Variants in FBXO22 observed in about 807,000 individuals in gnomAD.
FBXO22 encodes the protein F-box only protein 22.
A neutral mutation model predicts 37.2 loss-of-function variants in FBXO22; 13 were observed. That is an observed-to-expected ratio of 0.35 (90% CI 0.23 to 0.56). FBXO22 has a LOEUF of 0.56. Ranked by LOEUF, FBXO22 falls within the 20% of genes least tolerant of loss-of-function variation. The probability of loss-of-function intolerance (pLI) is 0.87; values close to 1 mark genes in which losing one functional copy is unlikely to be tolerated. For synonymous variants in FBXO22, 189 were observed against 189.1 expected, an observed-to-expected ratio of 1.00 and a Z score of 0.00; for missense variants, 446 against 509.9, an observed-to-expected ratio of 0.87 and a Z score of 1.21.
intron 5 of FBXO22, among the ~76,000 whole-genome samples, chr15:75,925,875 A>G (rs1399448354): frequency 2.0e-5 from 3 of 152,104 alleles, no homozygotes; most frequent in Non-Finnish European, 4.4e-5. Context: ...GGATGGGGCA[A>G]TTCTTTGCTA....
intron 5 of FBXO22, among the ~76,000 whole-genome samples, chr15:75,918,294 GTT>G (rs1213645298): frequency 6.6e-6 from 1 of 150,808 alleles, no homozygotes; most frequent in Non-Finnish European, 1.5e-5. Flanking sequence ...ATTGAGACTA[GTT>G]TTTACAACTA....
intron 5 of FBXO22, among the ~76,000 whole-genome samples, chr15:75,921,777 T>C (rs1335857535): frequency 6.6e-6 from 1 of 152,256 alleles, no homozygotes; most frequent in Non-Finnish European, 1.5e-5. Flanking sequence ...TTTTTAACTT[T>C]TTAAGCTTTT....
intron 2 of FBXO22, among the ~76,000 whole-genome samples, chr15:75,912,431 C>T (rs945777614): frequency 1.9e-4 from 29 of 152,078 alleles, no homozygotes; most frequent in African/African-American, 6.8e-4. Flanking sequence ...CTATTAATTA[C>T]TGCCTCAATT....
At chr15:75,916,603 G>A (rs1900196821) in intron 4 of FBXO22, among the ~76,000 whole-genome samples, 1 of 152,182 alleles carries the variant, frequency 6.6e-6, no homozygotes, top group Non-Finnish European at 1.5e-5. Context: ...GGGGTAGGCA[G>A]TAGGGAGGGA....
At chr15:75,923,952 G>A (rs1423684892) in intron 5 of FBXO22, among the ~76,000 whole-genome samples, 1 of 152,046 alleles carries the variant, frequency 6.6e-6, no homozygotes, top group Non-Finnish European at 1.5e-5. Context: ...GAATGAGGGA[G>A]GTGACAGCGA....
rs1442706490 is a variant in FBXO22 at position 75,940,717 on chromosome 15, G to A, written c.*7615G>A. 2 of 152,028 alleles carry A rather than the reference G, an allele frequency of 1.3e-5. No homozygotes were observed. Among genetic ancestry groups the A allele is most frequent in the African/African-American group, 2.4e-5 (1 of 41,398 alleles). 9.4% of individuals were successfully genotyped at this position (152,028 alleles called of 1,614,324 possible). ...TGTAGGTAAATGATTTTTGACAAGG[G>A]TGCCAAGGCTATTCCAAGGATAGTT... On this transcript the variant is annotated 3_prime_UTR_variant, in exon 7 of 7. Coordinates refer to ENST00000308275, the MANE Select transcript of FBXO22 (RefSeq NM_147188.3).
At chr15:75,922,649 T>C (rs1260466152) in intron 5 of FBXO22, among the ~76,000 whole-genome samples, 2 of 152,186 alleles carry the variant, frequency 1.3e-5, no homozygotes, top group African/African-American at 4.8e-5. Flanking sequence ...AGTCTGGGCT[T>C]AGCTCCTGTA....
In FBXO22 at chr15:75,914,319, C is replaced by A. The variant is rs960616482; in HGVS notation, c.463+114C>A. The A allele has an allele frequency of 3.8e-5, 26 of 693,158 alleles. 1 individual carries two copies. Among genetic ancestry groups the A allele is most frequent in the South Asian group, 1.8e-4 (10 of 55,106 alleles). The allele number at this position is 693,158 out of a possible 1,614,324, so 42.9% of individuals were successfully genotyped here. ...TTTCTATTTCTGTCCATCTAAAATACAATAAAGTCAGTCATATTTACCATG... is the reference window on the plus strand; with the variant it reads ...TTTCTATTTCTGTCCATCTAAAATAAAATAAAGTCAGTCATATTTACCATG... On this transcript the variant is annotated intron_variant, in intron 4 of 6. Transcript: ENST00000308275.
chr15:75,919,846 G>A (rs1478967532), intron 5 of FBXO22, among the ~76,000 whole-genome samples: 2 of 152,142 alleles, frequency 1.3e-5, no homozygotes, highest in Non-Finnish European at 2.9e-5. Flanking sequence ...AATTAACGAT[G>A]GCCAATGTTT....
intron 5 of FBXO22, among the ~76,000 whole-genome samples, chr15:75,921,281 G>A (rs1425343074): frequency 6.6e-6 from 1 of 152,194 alleles, no homozygotes; most frequent in Non-Finnish European, 1.5e-5. Flanking sequence ...GAGTCAGTGA[G>A]TGGTGAGTGA....
chr15:75,940,848 A>C lies in FBXO22; in HGVS notation c.*7746A>C, dbSNP rs946755602. The stretch of plus-strand genomic sequence containing the variant: ...TAACTCAAAATGGACCAAAGACCTA[A>C]ATGTGAGAGCTAAAACCATAAAACT... On this transcript the variant is annotated 3_prime_UTR_variant, in exon 7 of 7. Transcript: ENST00000308275. 1.3e-5 allele frequency: 2 copies of C among 152,138 alleles called. No homozygotes were observed. The highest frequency in any genetic ancestry group is 6.5e-5 in the Admixed American group (1 of 15,270). The allele number at this position is 152,138 out of a possible 1,614,324, so 9.4% of individuals were successfully genotyped here. A position where few individuals can be genotyped will look rare whatever the true frequency, so the allele number is the denominator to read the frequency against.
At chr15:75,929,585 T>C in intron 5 of FBXO22, among the ~76,000 whole-genome samples, 1 of 152,056 alleles carries the variant, frequency 6.6e-6, no homozygotes, top group East Asian at 1.9e-4. Flanking sequence ...GCTCAGTACA[T>C]AGCTGCTTCA....
Position 75,932,991 on chromosome 15 carries a change from G to T in FBXO22, c.1101G>T (p.Arg367=). 1 of 1,614,208 alleles carries T rather than the reference G, an allele frequency of 6.2e-7. No homozygotes were observed. The highest frequency in any genetic ancestry group is 8.5e-7 in the Non-Finnish European group (1 of 1,180,034). The change falls in exon 7 of 7, where the codon CGG becomes CGT. Residue 367 remains arginine, a synonymous_variant. Transcript: ENST00000308275. ...FFGNGEIGCD[R]IVTGNFILRK... ...GAAATGGAGAAATTGGATGTGATCG[G>T]ATAGTCACTGGGAACTTTATATTGA...
rs964016073 is a variant in FBXO22 at position 75,938,915 on chromosome 15, G to A, written c.*5813G>A. On this transcript the variant is annotated 3_prime_UTR_variant, in exon 7 of 7. Transcript: ENST00000308275. ...AAGAAATCACAAGGGAAATTAAAAA[G>A]AGAAAAATGCAACATACCAAAATTT... 6.6e-6 allele frequency: 1 copy of A among 152,010 alleles called. No individual in the cohort carries two copies. Among genetic ancestry groups the A allele is most frequent in the African/African-American group, 2.4e-5 (1 of 41,398 alleles). The allele number at this position is 152,010 out of a possible 1,614,324, so 9.4% of individuals were successfully genotyped here. A position where few individuals can be genotyped will look rare whatever the true frequency, so the allele number is the denominator to read the frequency against.
chr15:75,917,939 G>A (rs1900224400), intron 5 of FBXO22, among the ~76,000 whole-genome samples: 1 of 152,172 alleles, frequency 6.6e-6, no homozygotes, highest in South Asian at 2.1e-4. Flanking sequence ...TGTGGATGGA[G>A]CCCTGAAGTG....
At chr15:75,929,049 C>T (rs551481723) in intron 5 of FBXO22, among the ~76,000 whole-genome samples, 1 of 152,282 alleles carries the variant, frequency 6.6e-6, no homozygotes, top group East Asian at 1.9e-4. Context: ...TTATTCTGCA[C>T]AGTTCAGGAG....
intron 5 of FBXO22, among the ~76,000 whole-genome samples, chr15:75,926,566 T>C (rs1234619166): frequency 6.6e-6 from 1 of 152,150 alleles, no homozygotes; most frequent in Admixed American, 6.6e-5. Flanking sequence ...AGAACACCAC[T>C]GGAGAAGATG....
In FBXO22 at chr15:75,935,189, G is replaced by C. The variant is rs1301617889; in HGVS notation, c.*2087G>C. 6.6e-6 allele frequency: 1 copy of C among 152,168 alleles called. No homozygotes were observed. The highest frequency in any genetic ancestry group is 1.9e-4 in the East Asian group (1 of 5,202). The allele number at this position is 152,168 out of a possible 1,614,324, so 9.4% of individuals were successfully genotyped here. A position where few individuals can be genotyped will look rare whatever the true frequency, so the allele number is the denominator to read the frequency against. On this transcript the variant is annotated 3_prime_UTR_variant, in exon 7 of 7. Transcript: ENST00000308275. ...GAAGGGAAATAGTAATTTAACCAAAGTTAAATCTGTGTAACTCATTTATTA... is the reference window on the plus strand; with the variant it reads ...GAAGGGAAATAGTAATTTAACCAAACTTAAATCTGTGTAACTCATTTATTA...
At chr15:75,925,650 A>T (rs1900422222) in intron 5 of FBXO22, among the ~76,000 whole-genome samples, 1 of 147,300 alleles carries the variant, frequency 6.8e-6, no homozygotes, top group Non-Finnish European at 1.5e-5. Context: ...CCCTTGAGAA[A>T]GCAGAAGTGA....
Sources: gnomAD v4.1 joint callset for allele counts (sites outside exome capture counted in the v4.1 genomes callset) on GRCh38, gnomAD v4.1.1 for gene constraint, MANE v1.5 for transcripts, NCBI Gene and HGNC (gene_info 2026-07-23, HGNC 2026-07-21) for gene names.